Variants in ATE1 observed in about 807,000 individuals in gnomAD.
ATE1 encodes the protein arginyl-tRNA--protein transferase 1.
Under a neutral mutation model 70.5 loss-of-function variants are expected in ATE1, and 36 were observed. That is an observed-to-expected ratio of 0.51 (90% confidence interval 0.39 to 0.67). The LOEUF is 0.67. ATE1 is among the 30% of genes least tolerant of loss of function. The pLI is 0.00. For missense variants in ATE1, 593 were observed against 629.5 expected, an observed-to-expected ratio of 0.94 and a Z score of 0.62; for synonymous variants, 232 against 219.3, an observed-to-expected ratio of 1.06 and a Z score of -0.51.
chr10:121,831,446 T>A (rs1316636203), intron 10 of ATE1, among the ~76,000 whole-genome samples: 1 of 152,164 alleles, frequency 6.6e-6, no homozygotes, highest in Admixed American at 6.5e-5. Context: ...ACTGACTGAT[T>A]AGACGACGAC....
At chr10:121,915,735 A>G (rs1951625041) in intron 3 of ATE1, among the ~76,000 whole-genome samples, 1 of 150,894 alleles carries the variant, frequency 6.6e-6, no homozygotes, top group Non-Finnish European at 1.5e-5. Context: ...TAAAAATACA[A>G]AAAAAATTAG....
At chr10:121,827,866 A>C (rs770656338) in intron 10 of ATE1, among the ~76,000 whole-genome samples, 1 of 152,238 alleles carries the variant, frequency 6.6e-6, no homozygotes, top group Non-Finnish European at 1.5e-5. Flanking sequence ...AAACCAAAAA[A>C]TTCAACAAAA....
chr10:121,838,410 C>T (rs2133766113), intron 9 of ATE1, among the ~76,000 whole-genome samples: 2 of 152,202 alleles, frequency 1.3e-5, no homozygotes, highest in South Asian at 4.1e-4. Context: ...TCTCTACGTC[C>T]TTCCCTACAC....
At chr10:121,858,283 T>C (rs1223571986) in intron 8 of ATE1, among the ~76,000 whole-genome samples, 2 of 152,304 alleles carry the variant, frequency 1.3e-5, no homozygotes, top group South Asian at 2.1e-4. Context: ...CCATTTCATG[T>C]TCCCACCAGC....
chr10:121,906,691 T>A (rs959713464), intron 5 of ATE1, among the ~76,000 whole-genome samples: 1 of 151,920 alleles, frequency 6.6e-6, no homozygotes, highest in African/African-American at 2.4e-5. Flanking sequence ...CTCTGCCCCC[T>A]GGGTTCAAGC....
At chr10:121,806,412 C>A (rs1284357916) in intron 10 of ATE1, among the ~76,000 whole-genome samples, 2 of 152,114 alleles carry the variant, frequency 1.3e-5, no homozygotes, top group Non-Finnish European at 2.9e-5. Context: ...GTATTCACAC[C>A]ACTGTACTTT....
At chr10:121,797,786 T>C (rs1946718750) in intron 10 of ATE1, among the ~76,000 whole-genome samples, 1 of 152,212 alleles carries the variant, frequency 6.6e-6, no homozygotes, top group Non-Finnish European at 1.5e-5. Flanking sequence ...CTGTTCTCTC[T>C]TCTGGTCACA....
At chr10:121,789,777 C>T in intron 11 of ATE1, among the ~76,000 whole-genome samples, 1 of 152,112 alleles carries the variant, frequency 6.6e-6, no homozygotes, top group East Asian at 1.9e-4. Flanking sequence ...TGAAACCATC[C>T]TACAACTTTA....
chr10:121,748,034 G>A (rs537417397), intron 11 of ATE1, among the ~76,000 whole-genome samples: 1 of 152,202 alleles, frequency 6.6e-6, no homozygotes, highest in Non-Finnish European at 1.5e-5. Flanking sequence ...AGATCAGCAA[G>A]TGAAAAAGCA....
intron 10 of ATE1, among the ~76,000 whole-genome samples, chr10:121,802,489 A>G (rs1455560881): frequency 1.3e-5 from 2 of 151,902 alleles, no homozygotes; most frequent in Non-Finnish European, 2.9e-5. Context: ...TTATATTTTT[A>G]GTAGAGACAG....
chr10:121,846,229 A>G (rs1051382322), intron 8 of ATE1, among the ~76,000 whole-genome samples: 29 of 152,196 alleles, frequency 1.9e-4, no homozygotes. Context: ...AAGCCAGAAC[A>G]ATCTGAGCAA....
intron 1 of ATE1, among the ~76,000 whole-genome samples, chr10:121,925,976 C>G (rs897278997): frequency 6.6e-6 from 1 of 151,868 alleles, no homozygotes; most frequent in African/African-American, 2.4e-5. Flanking sequence ...GAGGCCGAGG[C>G]GGGTAGATCA....
chr10:121,912,132 C>T (rs938240595), intron 4 of ATE1, among the ~76,000 whole-genome samples: 3 of 152,124 alleles, frequency 2.0e-5, no homozygotes, highest in Admixed American at 6.5e-5. Flanking sequence ...CCTCGTGATC[C>T]GCCTGTGTTG....
At chr10:121,925,191 T>C (rs922671998) in intron 1 of ATE1, among the ~76,000 whole-genome samples, 3 of 152,070 alleles carry the variant, frequency 2.0e-5, no homozygotes, top group African/African-American at 4.8e-5. Context: ...GAGGCCAAGA[T>C]GGGCAGATCA....
At chr10:121,875,324 T>TA (rs1950015434) in intron 7 of ATE1, among the ~76,000 whole-genome samples, 1 of 103,152 alleles carries the variant, frequency 9.7e-6, no homozygotes, top group African/African-American at 3.7e-5. Context: ...TTTTTTTTGA[T>TA]AGGAAGTCTT....
At chr10:121,903,485 G>A (rs1220787218) in intron 5 of ATE1, among the ~76,000 whole-genome samples, 3 of 151,990 alleles carry the variant, frequency 2.0e-5, no homozygotes, top group East Asian at 1.9e-4. Context: ...TTGAGAGTTC[G>A]AGACCAGCCT....
At chr10:121,856,460 G>A (rs1949253578) in intron 8 of ATE1, among the ~76,000 whole-genome samples, 1 of 152,194 alleles carries the variant, frequency 6.6e-6, no homozygotes. Context: ...AACCCAGGAG[G>A]AGGAGGCTGC....
intron 10 of ATE1, among the ~76,000 whole-genome samples, chr10:121,833,694 T>C (rs1948334383): frequency 6.6e-6 from 1 of 152,040 alleles, no homozygotes. Context: ...GGGGTAAAAA[T>C]GGGAATTCTC....
chr10:121,849,548 G>A (rs1948975930), intron 8 of ATE1, among the ~76,000 whole-genome samples: 5 of 152,190 alleles, frequency 3.3e-5, no homozygotes, highest in Admixed American at 3.3e-4. Context: ...GATATGGGCT[G>A]CCTCATAATT....
Sources: gnomAD v4.1 joint callset for allele counts (sites outside exome capture counted in the v4.1 genomes callset) on GRCh38, gnomAD v4.1.1 for gene constraint, MANE v1.5 for transcripts, NCBI Gene and HGNC (gene_info 2026-07-23, HGNC 2026-07-21) for gene names.